CDH12: variants seen among roughly 807,000 people sequenced by gnomAD.
CDH12 encodes the protein cadherin-12.
A neutral mutation model predicts 74.1 loss-of-function variants in CDH12; 41 were observed. The ratio of observed to expected loss-of-function variants is 0.55; its 90% CI spans 0.43 to 0.72. CDH12 has a LOEUF of 0.72. Ranked by LOEUF, CDH12 falls within the 30% of genes least tolerant of loss-of-function variation. The pLI, the probability that CDH12 is intolerant of heterozygous loss-of-function variation, is 0.00. For synonymous variants in CDH12, 399 were observed against 355.0 expected (o/e 1.12, Z -1.39); for missense variants, 945 against 977.2 (o/e 0.97, Z 0.44).
intron 5 of CDH12, among the ~76,000 whole-genome samples, chr5:21,998,602 C>T (rs1736430718): frequency 6.6e-6 from 1 of 152,132 alleles, no homozygotes; most frequent in African/African-American, 2.4e-5. Context: ...AATCAGCCTT[C>T]TTCCTTATAA....
chr5:22,117,817 G>GAA (rs5866549), intron 4 of CDH12, among the ~76,000 whole-genome samples: 3 of 150,288 alleles, frequency 2.0e-5, no homozygotes, highest in Non-Finnish European at 4.4e-5. Flanking sequence ...TATCCTATGT[G>GAA]AAAAAAATGT....
intron 1 of CDH12, among the ~76,000 whole-genome samples, chr5:22,529,287 C>T (rs925918938): frequency 6.8e-6 from 1 of 146,990 alleles, no homozygotes; most frequent in African/African-American, 2.5e-5. Context: ...CTGATGAGTC[C>T]CAAGATCTGC....
chr5:21,859,162 G>A (rs1190660023), intron 6 of CDH12, among the ~76,000 whole-genome samples: 3 of 151,826 alleles, frequency 2.0e-5, no homozygotes, highest in Non-Finnish European at 4.4e-5. Context: ...GTATTAGTCT[G>A]TTCTCATACT....
At chr5:22,132,914 G>T (rs1230904686) in intron 4 of CDH12, among the ~76,000 whole-genome samples, 1 of 151,984 alleles carries the variant, frequency 6.6e-6, no homozygotes, top group Non-Finnish European at 1.5e-5. Flanking sequence ...TTGCACAGAG[G>T]CTTCAGTTTT....
chr5:21,889,683 A>C, intron 6 of CDH12: 1 of 985,208 alleles, frequency 1.0e-6, no homozygotes, highest in Non-Finnish European at 1.2e-6. Context: ...AAAATCAGAA[A>C]GTATTCTCCA....
chr5:22,091,013 C>T (rs964174432), intron 4 of CDH12, among the ~76,000 whole-genome samples: 2 of 151,712 alleles, frequency 1.3e-5, no homozygotes, highest in South Asian at 2.1e-4. Context: ...TCTCCAAGAA[C>T]ACAAACAAGA....
chr5:22,520,141 C>T (rs762323958), intron 1 of CDH12, among the ~76,000 whole-genome samples: 7 of 151,812 alleles, frequency 4.6e-5, no homozygotes, highest in Non-Finnish European at 8.8e-5. Context: ...ATTTCTTAAG[C>T]GAGGAAGAAA....
In CDH12 at chr5:22,130,850, C is replaced by T. The variant is rs528950752; in HGVS notation, c.-186-51988G>A. On this transcript the variant is annotated intron_variant, in intron 4 of 14. Transcript: ENST00000382254. ...TCTCACATGCCCTCACCATCTCAAT[C>T]CCTGATCACAGGCAACCACTGATGG... Among the ~76,000 whole-genome samples, 885 of 151,992 alleles carry T rather than the reference C, an allele frequency of 5.8e-3. 3 individuals are homozygous for T. Among genetic ancestry groups the T allele is most frequent in the Non-Finnish European group, 8.6e-3 (581 of 67,936 alleles).
chr5:22,458,825 T>C (rs1745392635), intron 2 of CDH12, among the ~76,000 whole-genome samples: 1 of 152,356 alleles, frequency 6.6e-6, no homozygotes, highest in South Asian at 2.1e-4. Context: ...ATTTCAGCTA[T>C]AGTTAATCAT....
chr5:21,813,172 A>C (rs1450086186), intron 9 of CDH12, among the ~76,000 whole-genome samples: 1 of 152,116 alleles, frequency 6.6e-6, no homozygotes, highest in Non-Finnish European at 1.5e-5. Context: ...AACCAGAGTC[A>C]CTTGGGTCTA....
chr5:21,777,883 T>C (rs1332313999), intron 11 of CDH12, among the ~76,000 whole-genome samples: 1 of 152,184 alleles, frequency 6.6e-6, no homozygotes, highest in East Asian at 1.9e-4. Flanking sequence ...TATATATACA[T>C]TGTAGAATGA....
At chr5:22,649,012 C>G (rs1739586731) in intron 1 of CDH12, among the ~76,000 whole-genome samples, 1 of 151,702 alleles carries the variant, frequency 6.6e-6, no homozygotes, top group African/African-American at 2.4e-5. Context: ...TTTAAAATAT[C>G]CAAAGTGAAA....
chr5:22,120,403 C>A (rs1010419273), intron 4 of CDH12, among the ~76,000 whole-genome samples: 1 of 152,032 alleles, frequency 6.6e-6, no homozygotes, highest in Non-Finnish European at 1.5e-5. Flanking sequence ...TGAAGTATTA[C>A]ATGTATGAGA....
At chr5:22,532,462 G>T (rs1007320883) in intron 1 of CDH12, among the ~76,000 whole-genome samples, 21 of 146,338 alleles carry the variant, frequency 1.4e-4, no homozygotes, top group African/African-American at 4.3e-4. Context: ...ATCTGGATTT[G>T]ATCAGATTTA....
intron 3 of CDH12, among the ~76,000 whole-genome samples, chr5:22,314,474 G>T (rs1738527599): frequency 6.6e-6 from 1 of 152,276 alleles, no homozygotes; most frequent in South Asian, 2.1e-4. Context: ...CAGCAGGAAG[G>T]CAACCAACTT....
chr5:22,681,253 GTGTGTGTGTGTA>G (rs1741475877), intron 1 of CDH12, among the ~76,000 whole-genome samples: 1 of 151,430 alleles, frequency 6.6e-6, no homozygotes, highest in Admixed American at 6.6e-5. Context: ...GTGTGTGTGT[GTGTGTGTGTGTA>G]TTAGATAAGT....
In CDH12 at chr5:22,179,941, G is replaced by A. The variant is rs1254444264; in HGVS notation, c.-187+32557C>T. On this transcript the variant is annotated intron_variant, in intron 4 of 14. Coordinates refer to ENST00000382254, the MANE Select transcript of CDH12 (RefSeq NM_004061.5). The stretch of plus-strand genomic sequence containing the variant: ...AGCCACTAACACATGCAAATAGAGT[G>A]GGTAAATTCACGGTGACTTCAGAGT... Among the ~76,000 whole-genome samples, 13 of 152,272 alleles carry A rather than the reference G, an allele frequency of 8.5e-5. No homozygotes were observed. The East Asian group carries it at 2.5e-3, about 29-fold the overall frequency.
chr5:21,769,683 A>C (rs2149881505), intron 11 of CDH12, among the ~76,000 whole-genome samples: 1 of 152,264 alleles, frequency 6.6e-6, no homozygotes, highest in East Asian at 1.9e-4. Flanking sequence ...AACCCTGGAA[A>C]ACCTGAATTT....
At chr5:22,428,206 TACACACACACAC>T (rs60523110) in intron 2 of CDH12, among the ~76,000 whole-genome samples, 4 of 150,176 alleles carry the variant, frequency 2.7e-5, no homozygotes, top group African/African-American at 7.3e-5. Context: ...TATATATATA[TACACACACACAC>T]ACACACACAC....
Sources: allele counts gnomAD v4.1 joint callset (sites outside exome capture counted in the v4.1 genomes callset), GRCh38; gene constraint gnomAD v4.1.1; transcripts MANE v1.5; gene names NCBI Gene and HGNC (gene_info 2026-07-23, HGNC 2026-07-21).